SAMMSON: variants seen among roughly 807,000 people sequenced by gnomAD.
The protein encoded by SAMMSON is survival associated mitochondrial melanoma specific oncogenic non-coding RNA.
chr3:70,047,661 G>T (rs1189670828), intron 3 of SAMMSON, among the ~76,000 whole-genome samples: 1 of 152,000 alleles, frequency 6.6e-6, no homozygotes, highest in African/African-American at 2.4e-5. Flanking sequence ...CCAGATGTGT[G>T]TGTCTTTTTC....
intron 4 of SAMMSON, among the ~76,000 whole-genome samples, chr3:70,236,282 A>G (rs1701608070): frequency 6.6e-6 from 1 of 152,168 alleles, no homozygotes; most frequent in Non-Finnish European, 1.5e-5. Flanking sequence ...CATCACTTTG[A>G]GACTTTAAAC....
intron 7 of SAMMSON, among the ~76,000 whole-genome samples, chr3:70,292,705 A>G (rs890121186): frequency 1.3e-5 from 2 of 152,080 alleles, no homozygotes; most frequent in South Asian, 2.1e-4. Context: ...TGATGTACAC[A>G]TACTTAAAAC....
intron 4 of SAMMSON, chr3:70,094,789 T>C (rs553470169): frequency 5.4e-4 from 82 of 152,384 alleles, no homozygotes; most frequent in Middle Eastern, 3.4e-3. Context: ...GAGGCATTTG[T>C]TGCAGGGTGC....
chr3:70,175,289 C>T (rs1445194093), intron 4 of SAMMSON, among the ~76,000 whole-genome samples: 1 of 152,044 alleles, frequency 6.6e-6, no homozygotes, highest in Non-Finnish European at 1.5e-5. Flanking sequence ...GAGTACCTCT[C>T]CCCCTAGTCT....
chr3:70,383,590 C>T (rs920553150), intron 9 of SAMMSON, among the ~76,000 whole-genome samples: 2 of 151,960 alleles, frequency 1.3e-5, no homozygotes, highest in African/African-American at 4.8e-5. Context: ...CTCAGAAATT[C>T]CTCCTGGAGT....
intron 2 of SAMMSON, among the ~76,000 whole-genome samples, chr3:70,401,492 A>T (rs902922916): frequency 6.6e-6 from 1 of 152,202 alleles, no homozygotes; most frequent in African/African-American, 2.4e-5. Flanking sequence ...TAATTCAGTG[A>T]TTATTTTCTC....
At chr3:70,285,014 A>AT (rs375145716) in intron 6 of SAMMSON, among the ~76,000 whole-genome samples, 16 of 150,094 alleles carry the variant, frequency 1.1e-4, no homozygotes, top group African/African-American at 3.4e-4. Context: ...CAAATTACCT[A>AT]TTTTTTTATT....
At chr3:70,125,547 A>T in intron 4 of SAMMSON, 1 of 696,590 alleles carries the variant, frequency 1.4e-6, no homozygotes, top group Non-Finnish European at 2.6e-6. Flanking sequence ...CCTATACTGG[A>T]TGCATCAGCT....
intron 3 of SAMMSON, among the ~76,000 whole-genome samples, chr3:70,020,345 A>C (rs1177587036): frequency 6.6e-6 from 1 of 152,180 alleles, no homozygotes; most frequent in African/African-American, 2.4e-5. Flanking sequence ...CAGGCACCCT[A>C]GACGAAAGAG....
Position 70,181,527 on chromosome 3 carries a change from G to A in SAMMSON, n.508-67580G>A, listed in dbSNP as rs866731263. 3.3e-5 allele frequency among the ~76,000 whole-genome samples: 5 copies of A among 152,112 alleles called. No homozygotes were observed. In the East Asian group the frequency reaches 5.8e-4, roughly 18 times the overall value. ...TGTGTATACTCAATCTTCTTAACCC[G>A]CAGTTTCCTTATCTGCAAATTGGGA... On this transcript the variant is annotated intron_variant and non_coding_transcript_variant, in intron 4 of 9. Transcript: ENST00000642114.
intron 4 of SAMMSON, among the ~76,000 whole-genome samples, chr3:70,162,191 T>A (rs973556559): frequency 4.6e-5 from 7 of 151,890 alleles, no homozygotes; most frequent in Non-Finnish European, 1.0e-4. Flanking sequence ...GGGCTTAATT[T>A]CTTCTTCTTT....
At chr3:70,426,282 T>A (rs982509518) in intron 2 of SAMMSON, among the ~76,000 whole-genome samples, 2 of 152,210 alleles carry the variant, frequency 1.3e-5, no homozygotes, top group African/African-American at 4.8e-5. Flanking sequence ...TTGAATGAAG[T>A]TCCTGTCCCC....
intron 2 of SAMMSON, among the ~76,000 whole-genome samples, chr3:70,416,752 C>T (rs1449836028): frequency 6.6e-6 from 1 of 151,898 alleles, no homozygotes; most frequent in Non-Finnish European, 1.5e-5. Context: ...CAGCATGAAC[C>T]CCTTTAAATT....
At chr3:70,259,705 C>T (rs1384295004) in intron 6 of SAMMSON, among the ~76,000 whole-genome samples, 2 of 152,162 alleles carry the variant, frequency 1.3e-5, no homozygotes, top group Non-Finnish European at 2.9e-5. Context: ...AACAAAGTGC[C>T]ACAAACTGGG....
At chr3:70,354,879 T>C (rs1702818341) in intron 8 of SAMMSON, among the ~76,000 whole-genome samples, 1 of 152,154 alleles carries the variant, frequency 6.6e-6, no homozygotes, top group South Asian at 2.1e-4. Context: ...TTTATCTAGG[T>C]CCTTCTCTGT....
chr3:70,125,051 A>G, intron 4 of SAMMSON: 1 of 788,316 alleles, frequency 1.3e-6, no homozygotes, highest in Non-Finnish European at 2.2e-6. Flanking sequence ...TTCAAAAGAA[A>G]CCTTTATTAA....
intron 6 of SAMMSON, among the ~76,000 whole-genome samples, chr3:70,273,282 C>G (rs1311513705): frequency 6.6e-6 from 1 of 152,176 alleles, no homozygotes; most frequent in Admixed American, 6.5e-5. Flanking sequence ...TTAGTCGACT[C>G]AACAATTTCT....
At chr3:70,414,511 T>C (rs1701246968) in intron 2 of SAMMSON, among the ~76,000 whole-genome samples, 1 of 152,154 alleles carries the variant, frequency 6.6e-6, no homozygotes, top group Non-Finnish European at 1.5e-5. Flanking sequence ...CTGTGTGATC[T>C]TCAGTAAGTT....
intron 6 of SAMMSON, among the ~76,000 whole-genome samples, chr3:70,290,217 G>C (rs911660683): frequency 2.6e-5 from 4 of 152,128 alleles, no homozygotes; most frequent in Middle Eastern, 6.3e-3. Flanking sequence ...TTTGATGATG[G>C]TGATGTACAG....
Sources: allele counts gnomAD v4.1 joint callset (sites outside exome capture counted in the v4.1 genomes callset), GRCh38; gene constraint gnomAD v4.1.1; transcripts MANE v1.5; gene names NCBI Gene and HGNC (gene_info 2026-07-23, HGNC 2026-07-21).